KALRN: variants seen among roughly 807,000 people sequenced by gnomAD.
KALRN encodes the protein kalirin.
A neutral mutation model predicts 353.7 loss-of-function variants in KALRN; 70 were observed. That is an observed-to-expected ratio of 0.20 (90% CI 0.16 to 0.24). The LOEUF (loss-of-function observed/expected upper bound fraction) is 0.24, where lower values mean the gene tolerates loss of function less well. Among genes scored for constraint, KALRN ranks in the 10% least tolerant of loss-of-function variants. The pLI is 1.00. For missense variants in KALRN, 2,791 were observed against 3,756.7 expected (o/e 0.74, Z 6.72); for synonymous variants, 1,391 against 1,434.8 (o/e 0.97, Z 0.69).
rs552978963 is a variant in KALRN, at chr3:124,090,590, C to T, written c.73+56777C>T. ...CCTTGAGAGGAGAGAGGCCCCTCTG[C>T]CTTCCAGGTGAGCATACTCTAATGG... On this transcript the variant is annotated intron_variant, in intron 1 of 59. Coordinates refer to ENST00000682506, the MANE Select transcript of KALRN (RefSeq NM_001388419.1). 5.3e-5 allele frequency among the ~76,000 whole-genome samples: 8 copies of T among 152,294 alleles called. No individual in the cohort carries two copies. The East Asian group carries it at 1.6e-3, about 30-fold the overall frequency.
chr3:124,162,347 G>C (rs1325844042), intron 1 of KALRN: 3 of 152,192 alleles, frequency 2.0e-5, no homozygotes, highest in African/African-American at 7.2e-5. Flanking sequence ...GTGAGAGCCA[G>C]TGTGAAGGTG....
intron 34 of KALRN, among the ~76,000 whole-genome samples, chr3:124,605,584 A>AGAGAGAGAGAGAG (rs377624275): frequency 3.3e-4 from 44 of 132,230 alleles, no homozygotes; most frequent in African/African-American, 1.4e-3. Context: ...AAAAAAAAAA[A>AGAGAGAGAGAGAG]AAAGAGAGAG....
At chr3:124,100,580 A>C (rs1159416511) in intron 1 of KALRN, 2 of 152,256 alleles carry the variant, frequency 1.3e-5, no homozygotes. Context: ...AACATAGGGA[A>C]ACCCTTCAGG....
At chr3:124,376,131 G>T (rs1449777812) in intron 10 of KALRN, among the ~76,000 whole-genome samples, 1 of 152,226 alleles carries the variant, frequency 6.6e-6, no homozygotes. Flanking sequence ...ATGTGATAAA[G>T]TTGGTGTTTA....
intron 1 of KALRN, among the ~76,000 whole-genome samples, chr3:124,037,853 TG>T (rs768562744): frequency 6.6e-6 from 1 of 152,050 alleles, no homozygotes; most frequent in Non-Finnish European, 1.5e-5. Flanking sequence ...TGGACAGGTG[TG>T]GGCTGGTTGA....
intron 1 of KALRN, among the ~76,000 whole-genome samples, chr3:124,209,923 C>G (rs540833872): frequency 6.6e-6 from 1 of 152,236 alleles, no homozygotes; most frequent in African/African-American, 2.4e-5. Flanking sequence ...TATGTTCTGA[C>G]AGTTTTAATG....
intron 14 of KALRN, among the ~76,000 whole-genome samples, chr3:124,414,116 C>T (rs952492831): frequency 6.6e-6 from 1 of 151,764 alleles, no homozygotes; most frequent in African/African-American, 2.4e-5. Flanking sequence ...AGAAAAGAAA[C>T]GGAAGCCATG....
At chr3:124,602,937 G>A (rs530077970) in intron 34 of KALRN, among the ~76,000 whole-genome samples, 29 of 53,558 alleles carry the variant, frequency 5.4e-4, no homozygotes, top group African/African-American at 2.5e-3. Context: ...TCCAGTTTTC[G>A]TGGTTTTTTT....
chr3:124,495,990 T>TATATAC, intron 32 of KALRN, among the ~76,000 whole-genome samples: 3 of 58,498 alleles, frequency 5.1e-5, no homozygotes, highest in African/African-American at 2.6e-4. Flanking sequence ...TATATATATA[T>TATATAC]ATATATATAT....
At chr3:124,355,657 G>A (rs189714444) in intron 10 of KALRN, among the ~76,000 whole-genome samples, 224 of 150,398 alleles carry the variant, frequency 1.5e-3, no homozygotes, top group African/African-American at 5.0e-3. Context: ...GAGGTTTTCC[G>A]ATACAGGCAA....
At chr3:124,432,492 C>T (rs1391506616) in intron 16 of KALRN, among the ~76,000 whole-genome samples, 2 of 152,054 alleles carry the variant, frequency 1.3e-5, no homozygotes, top group Non-Finnish European at 2.9e-5. Flanking sequence ...GAAGGCTGAG[C>T]GATCAGATTA....
intron 33 of KALRN, among the ~76,000 whole-genome samples, chr3:124,542,871 T>C (rs2069186525): frequency 6.6e-6 from 1 of 152,226 alleles, no homozygotes; most frequent in African/African-American, 2.4e-5. Context: ...GTAGTTTCTG[T>C]GGGTCAGAAA....
chr3:124,074,344 T>A (rs2060164017), intron 1 of KALRN, among the ~76,000 whole-genome samples: 1 of 152,230 alleles, frequency 6.6e-6, no homozygotes, highest in Admixed American at 6.5e-5. Flanking sequence ...GGCACTGTCA[T>A]GAAGAAGGAA....
At chr3:124,514,555 C>T (rs756267645) in intron 33 of KALRN, among the ~76,000 whole-genome samples, 1 of 152,150 alleles carries the variant, frequency 6.6e-6, no homozygotes, top group Non-Finnish European at 1.5e-5. Flanking sequence ...CTGTCATTCC[C>T]ACAACAATTC....
intron 3 of KALRN, among the ~76,000 whole-genome samples, chr3:124,244,625 T>G (rs1452356826): frequency 6.6e-6 from 1 of 152,188 alleles, no homozygotes; most frequent in African/African-American, 2.4e-5. Flanking sequence ...TATAGGAATA[T>G]TTTCATAACA....
At chr3:124,241,941 G>C (rs958076323) in intron 3 of KALRN, among the ~76,000 whole-genome samples, 2 of 152,216 alleles carry the variant, frequency 1.3e-5, no homozygotes, top group Non-Finnish European at 2.9e-5. Flanking sequence ...AGGAGATGAA[G>C]GGGTGTCAGG....
At chr3:124,689,766 CA>C (rs199953941) in intron 51 of KALRN, among the ~76,000 whole-genome samples, 7 of 148,862 alleles carry the variant, frequency 4.7e-5, no homozygotes, top group African/African-American at 1.5e-4. Context: ...AGACTCATAG[CA>C]AAAAAAAATA....
chr3:124,173,676 C>A (rs1220680483), intron 1 of KALRN, among the ~76,000 whole-genome samples: 1 of 152,134 alleles, frequency 6.6e-6, no homozygotes, highest in Non-Finnish European at 1.5e-5. Context: ...GGTGCAATGG[C>A]GTGATCTTGG....
intron 33 of KALRN, among the ~76,000 whole-genome samples, chr3:124,550,153 C>T (rs115722155): frequency 0.011 from 1,740 of 152,250 alleles, 34 homozygotes; most frequent in African/African-American, 0.04. Context: ...GACTTAATAG[C>T]TTTGCAGGAC....
Sources: gnomAD v4.1 joint callset for allele counts (sites outside exome capture counted in the v4.1 genomes callset) on GRCh38, gnomAD v4.1.1 for gene constraint, MANE v1.5 for transcripts, NCBI Gene and HGNC (gene_info 2026-07-23, HGNC 2026-07-21) for gene names.